The following RNF144B variants were observed in gnomAD, a reference collection of about 807,000 sequenced individuals.
RNF144B encodes the protein ring finger protein 144B.
In RNF144B, 25 loss-of-function variants were observed where a neutral mutation model predicts 40.2. The observed-to-expected ratio is 0.62, with a 90% CI of 0.45 to 0.87. The LOEUF (loss-of-function observed/expected upper bound fraction) is 0.87. Ranked by LOEUF, RNF144B falls within the 40% of genes least tolerant of loss-of-function variation. The probability of loss-of-function intolerance (pLI) is 0.00; values close to 1 mark genes in which losing one functional copy is unlikely to be tolerated. For synonymous variants in RNF144B, 145 were observed against 136.3 expected (o/e 1.06, Z -0.44); for missense variants, 365 against 373.7 (o/e 0.98, Z 0.19).
At chr6:18,389,399 C>T (rs1439137170) in intron 1 of RNF144B, among the ~76,000 whole-genome samples, 1 of 152,190 alleles carries the variant, frequency 6.6e-6, no homozygotes, top group Non-Finnish European at 1.5e-5. Context: ...GACCATTTAA[C>T]TTCCTGAAAA....
Position 18,450,144 on chromosome 6 carries a change from T to C in RNF144B, c.332-7011T>C, listed in dbSNP as rs1054955391. On this transcript the variant is annotated intron_variant, in intron 4 of 7. Coordinates refer to ENST00000259939, the MANE Select transcript of RNF144B (RefSeq NM_182757.4). The surrounding 1 kb of genome is among the most constrained non-coding windows in gnomAD (Gnocchi z 4.7). Reference sequence around the variant, plus strand: ...TCCTCTTTTTGTGCTGTGCAAATTCTGCACTTTCCCAGACTTGTCTGTGCT... The same window carrying C: ...TCCTCTTTTTGTGCTGTGCAAATTCCGCACTTTCCCAGACTTGTCTGTGCT... Among the ~76,000 whole-genome samples the C allele has an allele frequency of 6.6e-6, 1 of 152,258 alleles. No individual in the cohort carries two copies. The highest frequency in any genetic ancestry group is 2.4e-5 in the African/African-American group (1 of 41,476).
chr6:18,415,882 T>C (rs1241435881), intron 2 of RNF144B, among the ~76,000 whole-genome samples: 1 of 151,836 alleles, frequency 6.6e-6, no homozygotes, highest in Admixed American at 6.6e-5. Context: ...AAGTGCACTT[T>C]TAGAGATTCA....
chr6:18,417,185 T>C (rs1267396777), intron 2 of RNF144B, among the ~76,000 whole-genome samples: 2 of 152,132 alleles, frequency 1.3e-5, no homozygotes, highest in Admixed American at 1.3e-4. Flanking sequence ...GATTTACAGA[T>C]TCAACACACC....
Position 18,456,413 on chromosome 6 carries a change from A to G in RNF144B, c.332-742A>G, listed in dbSNP as rs1759326693. 6.6e-6 allele frequency among the ~76,000 whole-genome samples: 1 copy of G among 152,220 alleles called. No individual in the cohort carries two copies. The highest frequency in any genetic ancestry group is 2.1e-4 in the South Asian group (1 of 4,834). On this transcript the variant is annotated intron_variant, in intron 4 of 7. Coordinates refer to ENST00000259939, the MANE Select transcript of RNF144B (RefSeq NM_182757.4). The surrounding 1 kb of genome is among the most constrained non-coding windows in gnomAD (Gnocchi z 4.7). ...GAAGAAACCTCACTATCTGTTTCTC[A>G]GTGCCTGAAAGGACAAAGTCTTTTT...
At chr6:18,393,248 C>T (rs1453698398) in intron 1 of RNF144B, among the ~76,000 whole-genome samples, 1 of 152,120 alleles carries the variant, frequency 6.6e-6, no homozygotes, top group African/African-American at 2.4e-5. Flanking sequence ...TGCATTAGAA[C>T]TGTTTTTCTG....
intron 2 of RNF144B, among the ~76,000 whole-genome samples, chr6:18,424,260 G>A (rs1041345011): frequency 3.3e-5 from 5 of 152,174 alleles, no homozygotes; most frequent in Non-Finnish European, 7.4e-5. Context: ...AAGTTAATGG[G>A]CAGCATATAA....
chr6:18,427,273 A>G (rs1214342044), intron 2 of RNF144B, among the ~76,000 whole-genome samples: 1 of 151,374 alleles, frequency 6.6e-6, no homozygotes, highest in Non-Finnish European at 1.5e-5. Flanking sequence ...TTTTTAAAGG[A>G]GGGGGCCTTT....
intron 1 of RNF144B, among the ~76,000 whole-genome samples, 170 bp from the exon 2 acceptor site, chr6:18,399,329 C>T (rs1582399792): frequency 6.6e-6 from 1 of 152,166 alleles, no homozygotes; most frequent in Non-Finnish European, 1.5e-5. Context: ...TCAGGGATAC[C>T]TTGCCGAGGT....
rs376502339 is a variant in RNF144B at position 18,407,466 on chromosome 6, G to A, written c.165+7767G>A. Reference sequence around the variant, plus strand: ...ATCTAGATAAATTACTTAGTACACTGCCAGAATACAGCTAGCATATATAGC... The same window carrying A: ...ATCTAGATAAATTACTTAGTACACTACCAGAATACAGCTAGCATATATAGC... On this transcript the variant is annotated intron_variant, in intron 2 of 7. Transcript: ENST00000259939. Among the ~76,000 whole-genome samples, 4 of 152,172 alleles carry A rather than the reference G, an allele frequency of 2.6e-5. No homozygotes were observed. In the East Asian group the frequency reaches 5.8e-4, roughly 22 times the overall value.
rs1332463350 is a variant in RNF144B at position 18,398,597 on chromosome 6, T to C, written c.-36-902T>C. 6.6e-6 allele frequency among the ~76,000 whole-genome samples: 1 copy of C among 152,202 alleles called. No homozygotes were observed. Among genetic ancestry groups the C allele is most frequent in the Admixed American group, 6.5e-5 (1 of 15,274 alleles). On this transcript the variant is annotated intron_variant, in intron 1 of 7. Coordinates refer to ENST00000259939, the MANE Select transcript of RNF144B (RefSeq NM_182757.4). The surrounding 1 kb of genome is among the most constrained non-coding windows in gnomAD (Gnocchi z 5.0). ...TTAGTAGAGACGAGGTTTCACCATGTTGGCCAGGCTGGTCTTGAACTCCTG... is the reference window on the plus strand; with the variant it reads ...TTAGTAGAGACGAGGTTTCACCATGCTGGCCAGGCTGGTCTTGAACTCCTG...
intron 4 of RNF144B, among the ~76,000 whole-genome samples, chr6:18,445,914 G>A (rs1759070573): frequency 1.3e-5 from 2 of 152,190 alleles, no homozygotes; most frequent in African/African-American, 4.8e-5. Context: ...CAAAAGCCAG[G>A]AGGTAGAATT....
chr6:18,460,646 A>G lies in RNF144B; in HGVS notation c.681+895A>G, dbSNP rs1037586759. Among the ~76,000 whole-genome samples, 1 of 151,974 alleles carries G rather than the reference A, an allele frequency of 6.6e-6. No individual in the cohort carries two copies. Among genetic ancestry groups the G allele is most frequent in the Non-Finnish European group, 1.5e-5 (1 of 68,004 alleles). On this transcript the variant is annotated intron_variant, in intron 6 of 7. Transcript: ENST00000259939. The surrounding 1 kb of genome is among the most constrained non-coding windows in gnomAD (Gnocchi z 4.4). ...CACTCGCTCTCTCTCTCTCTTGTTC[A>G]TGAGCATGCAGCAGTATCGCTACTG...
chr6:18,455,431 C>T (rs770953904), intron 4 of RNF144B, among the ~76,000 whole-genome samples: 1 of 152,162 alleles, frequency 6.6e-6, no homozygotes, highest in Non-Finnish European at 1.5e-5. Flanking sequence ...TTCAGACTTT[C>T]TCCTTGATAT....
chr6:18,400,760 A>G lies in RNF144B; in HGVS notation c.165+1061A>G, dbSNP rs1360737608. On this transcript the variant is annotated intron_variant, in intron 2 of 7. Coordinates refer to ENST00000259939, the MANE Select transcript of RNF144B (RefSeq NM_182757.4). This position sits in a 1 kb window ranked among gnomAD's most constrained non-coding sequence, Gnocchi z 5.6. ...TTTATCAGTTAAGGAAACAAAACCC[A>G]GCGAAGTTTCTTGCTTTTAGGAGCT... 6.6e-6 allele frequency among the ~76,000 whole-genome samples: 1 copy of G among 152,218 alleles called. No individual in the cohort carries two copies. Among genetic ancestry groups the G allele is most frequent in the Non-Finnish European group, 1.5e-5 (1 of 68,034 alleles).
rs79723460 is a variant in RNF144B at position 18,439,788 on chromosome 6, A to G, written c.331+44A>G. ...TTCCTGATGATGAATGTGGTTTTAC[A>G]TGTGTCATTTTTACACTAACCCACA... On this transcript the variant is annotated intron_variant, in intron 4 of 7. Transcript: ENST00000259939. 782 of 1,359,328 alleles carry G rather than the reference A, an allele frequency of 5.8e-4. 3 individuals carry two copies. The African/African-American group carries it at 0.01, about 17-fold the overall frequency. The allele number at this position is 1,359,328 out of a possible 1,614,324, so 84.2% of individuals were successfully genotyped here.
intron 3 of RNF144B, among the ~76,000 whole-genome samples, chr6:18,436,130 A>T (rs1758819563): frequency 6.6e-6 from 1 of 152,164 alleles, no homozygotes; most frequent in Non-Finnish European, 1.5e-5. Context: ...GGCCCCAAGG[A>T]CACGTCTGTG....
At chr6:18,411,866 A>T (rs1416792478) in intron 2 of RNF144B, among the ~76,000 whole-genome samples, 1 of 152,138 alleles carries the variant, frequency 6.6e-6, no homozygotes, top group East Asian at 1.9e-4. Flanking sequence ...GGGATCTTTA[A>T]CTACAGATAC....
Position 18,467,391 on chromosome 6 carries a change from G to A in RNF144B, c.*2324G>A, listed in dbSNP as rs1377053397. On this transcript the variant is annotated 3_prime_UTR_variant, in exon 8 of 8. Coordinates refer to ENST00000259939, the MANE Select transcript of RNF144B (RefSeq NM_182757.4). ...TTACAGAGTTTGTATCACTGAATTAGCTGCTTTTGTTTTTTTTTTTTTTTT... is the reference window on the plus strand; with the variant it reads ...TTACAGAGTTTGTATCACTGAATTAACTGCTTTTGTTTTTTTTTTTTTTTT... 1.9e-5 allele frequency: 2 copies of A among 105,390 alleles called. No homozygotes were observed. Among genetic ancestry groups the A allele is most frequent in the Non-Finnish European group, 3.8e-5 (2 of 52,960 alleles). 6.5% of individuals were successfully genotyped at this position (105,390 alleles called of 1,614,324 possible). A position where few individuals can be genotyped will look rare whatever the true frequency, so the allele number is the denominator to read the frequency against.
rs1390205162 is a variant in RNF144B at position 18,443,598 on chromosome 6, A to G, written c.331+3854A>G. ...TTGGAAGGCAATTTGTAATCGTGTA[A>G]TTCTTCATTACCATCCGTTATAATT... On this transcript the variant is annotated intron_variant, in intron 4 of 7. Transcript: ENST00000259939. The surrounding 1 kb of genome is among the most constrained non-coding windows in gnomAD (Gnocchi z 4.7). Among the ~76,000 whole-genome samples the G allele has an allele frequency of 2.0e-5, 3 of 151,872 alleles. No homozygotes were observed. The highest frequency in any genetic ancestry group is 4.4e-5 in the Non-Finnish European group (3 of 67,964).
Sources: allele counts gnomAD v4.1 joint callset (sites outside exome capture counted in the v4.1 genomes callset), GRCh38; gene constraint gnomAD v4.1.1; non-coding constraint Gnocchi (gnomAD v3.1); transcripts MANE v1.5; gene names NCBI Gene and HGNC (gene_info 2026-07-23, HGNC 2026-07-21).